Variants in CBFA2T3 observed in about 807,000 individuals in gnomAD.
CBFA2T3 encodes transcriptional corepressor CBFA2T3.
A neutral mutation model predicts 58.6 loss-of-function variants in CBFA2T3; 31 were observed. The ratio of observed to expected loss-of-function variants is 0.53; its 90% CI spans 0.40 to 0.71. CBFA2T3 has a LOEUF of 0.71. Ranked by LOEUF, CBFA2T3 falls within the 30% of genes least tolerant of loss-of-function variation. The pLI, the probability that CBFA2T3 is intolerant of heterozygous loss-of-function variation, is 0.00. For synonymous variants in CBFA2T3, 531 were observed against 421.9 expected, an observed-to-expected ratio of 1.26 and a Z score of -3.17; for missense variants, 1,076 against 963.1, an observed-to-expected ratio of 1.12 and a Z score of -1.55.
At chr16:88,903,292 G>C (rs1278421619) in intron 1 of CBFA2T3, among the ~76,000 whole-genome samples, 1 of 152,248 alleles carries the variant, frequency 6.6e-6, no homozygotes, top group African/African-American at 2.4e-5. Flanking sequence ...GAGGTGCTGA[G>C]GTCCTGCCCA....
intron 4 of CBFA2T3, 64 bp from the exon 5 acceptor site, chr16:88,892,035 C>G (rs1048789565): frequency 2.1e-6 from 3 of 1,460,976 alleles, no homozygotes; most frequent in Non-Finnish European, 2.9e-6. Flanking sequence ...GCCGACCCAC[C>G]CATGCCTGAG....
chr16:88,889,342 GGGAGGGAGGGAGGACTGGGGCAGC>G (rs918464866), intron 5 of CBFA2T3, among the ~76,000 whole-genome samples: 1 of 128,032 alleles, frequency 7.8e-6, no homozygotes, highest in Admixed American at 7.9e-5. Flanking sequence ...AGGGGGTGGT[GGGAGGGAGGGAGGACTGGGGCAGC>G]GGAGGGAGGG....
intron 1 of CBFA2T3, among the ~76,000 whole-genome samples, chr16:88,905,531 C>A (rs1165635258): frequency 6.6e-6 from 1 of 151,724 alleles, no homozygotes; most frequent in African/African-American, 2.4e-5. Context: ...ATGCAGCTCG[C>A]CCAGGGTAGC....
intron 1 of CBFA2T3, among the ~76,000 whole-genome samples, chr16:88,902,019 C>G (rs563592902): frequency 6.6e-6 from 1 of 152,316 alleles, no homozygotes; most frequent in East Asian, 1.9e-4. Context: ...GAGCATCCCC[C>G]GGGGGGTGTT....
chr16:88,912,392 C>T (rs771380801), intron 1 of CBFA2T3, among the ~76,000 whole-genome samples: 3 of 152,212 alleles, frequency 2.0e-5, no homozygotes, highest in African/African-American at 7.2e-5. Flanking sequence ...TGGCCAGCCA[C>T]GCCAGCTGTG....
intron 1 of CBFA2T3, among the ~76,000 whole-genome samples, chr16:88,924,658 C>T (rs1051161267): frequency 3.3e-5 from 5 of 152,196 alleles, no homozygotes; most frequent in Non-Finnish European, 5.9e-5. Flanking sequence ...GGCAGAGCCC[C>T]ATGGCCGGGA....
intron 1 of CBFA2T3, among the ~76,000 whole-genome samples, chr16:88,945,736 C>G (rs1387556083): frequency 6.6e-6 from 1 of 152,186 alleles, no homozygotes; most frequent in African/African-American, 2.4e-5. Context: ...CAAAATGGTA[C>G]AGCCCTTTGG....
chr16:88,906,599 C>T (rs560892488), intron 1 of CBFA2T3, among the ~76,000 whole-genome samples: 66 of 152,352 alleles, frequency 4.3e-4, no homozygotes, highest in African/African-American at 1.5e-3. Flanking sequence ...AGGGGACCGT[C>T]TCTGTCTCAA....
In CBFA2T3 at chr16:88,941,931, G is replaced by T. The variant is rs971596029; in HGVS notation, c.151+34726C>A. Reference sequence around the variant, plus strand: ...GGCCGCCGCCCCCGCCCCCTGCCCCGCGCTCGCCCCCAGCGCGGCGCCTGG... The same window carrying T: ...GGCCGCCGCCCCCGCCCCCTGCCCCTCGCTCGCCCCCAGCGCGGCGCCTGG... On this transcript the variant is annotated intron_variant, in intron 1 of 11. Coordinates refer to ENST00000268679, the MANE Select transcript of CBFA2T3 (RefSeq NM_005187.6). The T allele has an allele frequency of 6.7e-4, 101 of 150,484 alleles. 1 individual carries two copies. The highest frequency in any genetic ancestry group is 2.4e-3 in the African/African-American group (99 of 41,190). The allele number at this position is 150,484 out of a possible 1,614,324, so 9.3% of individuals were successfully genotyped here. A position where few individuals can be genotyped will look rare whatever the true frequency, so the allele number is the denominator to read the frequency against.
At chr16:88,973,182 T>C (rs536067475) in intron 1 of CBFA2T3, among the ~76,000 whole-genome samples, 157 of 152,340 alleles carry the variant, frequency 1.0e-3, no homozygotes, top group Non-Finnish European at 1.9e-3. Flanking sequence ...CTGCAGCCTC[T>C]CCAGTGCCTC....
At chr16:88,971,315 G>C (rs1972650170) in intron 1 of CBFA2T3, among the ~76,000 whole-genome samples, 1 of 152,158 alleles carries the variant, frequency 6.6e-6, no homozygotes, top group Non-Finnish European at 1.5e-5. Context: ...TTGCCATGTT[G>C]GCCAGACTGG....
chr16:88,964,313 C>T (rs1350885105), intron 1 of CBFA2T3, among the ~76,000 whole-genome samples: 1 of 148,952 alleles, frequency 6.7e-6, no homozygotes, highest in Non-Finnish European at 1.5e-5. Flanking sequence ...GTTCGGAAAC[C>T]ACAGACCCAA....
intron 3 of CBFA2T3, among the ~76,000 whole-genome samples, chr16:88,893,305 C>A (rs533570037): frequency 4.0e-5 from 6 of 149,546 alleles, no homozygotes; most frequent in Non-Finnish European, 7.4e-5. Context: ...ATGTGCCCCC[C>A]CCGACACACA....
intron 8 of CBFA2T3, among the ~76,000 whole-genome samples, chr16:88,882,267 C>T (rs1015630464): frequency 2.0e-5 from 3 of 152,192 alleles, no homozygotes; most frequent in African/African-American, 4.8e-5. Context: ...GAGCCATGGC[C>T]GTGTTTATGC....
rs1968867405 is a variant in CBFA2T3 at position 88,877,140 on chromosome 16, T to A, written c.1798A>T (p.Thr600Ser). The A allele has an allele frequency of 6.5e-7, 1 of 1,550,002 alleles. No homozygotes were observed. Among genetic ancestry groups the A allele is most frequent in the South Asian group, 1.2e-5 (1 of 84,070 alleles). Residue 600 changes from threonine (T) to serine (S), a missense_variant, in exon 12 of 12, where the codon ACA (threonine) becomes TCA (serine). Coordinates refer to ENST00000268679, the MANE Select transcript of CBFA2T3 (RefSeq NM_005187.6). ...HVCGQSLQGP[T>S]AVVADPVPGP... ...GGCACCGGGTCGGCCACCACGGCTG[T>A]GGGGCCCTGCAGGCTCTGGCCACAC...
At chr16:88,893,680 G>A (rs951078729) in intron 3 of CBFA2T3, among the ~76,000 whole-genome samples, 3 of 152,234 alleles carry the variant, frequency 2.0e-5, no homozygotes, top group African/African-American at 7.2e-5. Context: ...TGGCCACTGA[G>A]ACGTGACTGC....
chr16:88,905,688 G>A (rs1356988336), intron 1 of CBFA2T3, among the ~76,000 whole-genome samples: 2 of 142,982 alleles, frequency 1.4e-5, no homozygotes, highest in African/African-American at 2.6e-5. Flanking sequence ...AAGGAGGGGC[G>A]GGGCTGAAGG....
intron 11 of CBFA2T3, 111 bp downstream of exon 11, chr16:88,879,159 G>GT: frequency 1.1e-6 from 1 of 933,350 alleles, no homozygotes. Flanking sequence ...CAGGATGCCC[G>GT]TGACAACTGT....
Position 88,901,756 on chromosome 16 carries a change from C to T in CBFA2T3, c.152-100G>A, listed in dbSNP as rs533443147. Reference sequence around the variant, plus strand: ...CCCAGCGAAGGCCCCACTGAGTGTCCGCCCAGCGCTGGGGCAGTCTGCCCC... The same window carrying T: ...CCCAGCGAAGGCCCCACTGAGTGTCTGCCCAGCGCTGGGGCAGTCTGCCCC... On this transcript the variant is annotated intron_variant, in intron 1 of 11. Transcript: ENST00000268679. The T allele has an allele frequency of 1.7e-4, 185 of 1,101,286 alleles. 2 individuals carry two copies. The South Asian group carries it at 2.7e-3, about 16-fold the overall frequency. The allele number at this position is 1,101,286 out of a possible 1,614,324, so 68.2% of individuals were successfully genotyped here.
Sources: gnomAD v4.1 joint callset for allele counts (sites outside exome capture counted in the v4.1 genomes callset) on GRCh38, gnomAD v4.1.1 for gene constraint, MANE v1.5 for transcripts, NCBI Gene and HGNC (gene_info 2026-07-23, HGNC 2026-07-21) for gene names.